IGSF8: variants seen among roughly 807,000 people sequenced by gnomAD.
IGSF8 encodes the protein immunoglobulin superfamily member 8.
A neutral mutation model predicts 55.5 loss-of-function variants in IGSF8; 46 were observed. That is an observed-to-expected ratio of 0.83 (90% CI 0.65 to 1.06). The LOEUF is 1.06. Among genes scored for constraint, IGSF8 ranks in the 50% least tolerant of loss-of-function variants. The pLI is 0.00. For missense variants in IGSF8, 731 were observed against 832.3 expected (o/e 0.88, Z 1.50); for synonymous variants, 314 against 356.1 (o/e 0.88, Z 1.33).
At chr1:160,093,573 T>C in intron 3 of IGSF8, 137 bp downstream of exon 3, 1 of 823,262 alleles carries the variant, frequency 1.2e-6, no homozygotes, top group Non-Finnish European at 1.9e-6. Context: ...AGAGAAATGC[T>C]AGCAAGGCTG....
chr1:160,092,895 AC>A, intron 4 of IGSF8, 28 bp downstream of exon 4: 7 of 1,570,950 alleles, frequency 4.5e-6, no homozygotes, highest in Non-Finnish European at 6.1e-6. Flanking sequence ...CAATCCTCGA[AC>A]CCCGTCCAGG....
intron 1 of IGSF8, chr1:160,095,448 C>T (rs1000863795): frequency 1.5e-5 from 9 of 617,896 alleles, no homozygotes; most frequent in Admixed American, 1.2e-4. Flanking sequence ...GGCATGGGCC[C>T]AGGATTGCCT....
chr1:160,098,502 G>A lies in IGSF8; in HGVS notation c.-30C>T. Reference sequence around the variant, plus strand: ...CGCGGCCAGCTCTGGGGAGGCTCCGGGGGATGGCGCGGGTTCTGGGGGGCC... The same window carrying A: ...CGCGGCCAGCTCTGGGGAGGCTCCGAGGGATGGCGCGGGTTCTGGGGGGCC... On this transcript the variant is annotated 5_prime_UTR_variant, in exon 1 of 7. Transcript: ENST00000314485. 6.6e-7 allele frequency: 1 copy of A among 1,513,728 alleles called. No homozygotes were observed. The highest frequency in any genetic ancestry group is 1.2e-5 in the South Asian group (1 of 82,528). The allele number at this position is 1,513,728 out of a possible 1,614,324, so 93.8% of individuals were successfully genotyped here.
chr1:160,098,919 C>T (rs1370442124), upstream of IGSF8: 1 of 108,952 alleles, frequency 9.2e-6, no homozygotes, highest in Non-Finnish European at 1.9e-5. Flanking sequence ...GGATCCGCCC[C>T]GGGCCTCGGC....
Position 160,098,454 on chromosome 1 carries a change from T to C in IGSF8, c.19A>G (p.Thr7Ala). MGALRPTLLPPSLPLLL... is the reference protein window; with the variant it reads MGALRPALLPPSLPLLL... ...AGCGGCAGCGAAGGCGGCAGCAGCG[T>C]GGGCCTGAGGGCGCCCATCCTGCGC... The change falls in exon 1 of 7, where the codon ACG becomes GCG. Residue 7 changes from threonine to alanine, a missense_variant. Physicochemically the swap from Thr to Ala is moderately conservative, Grantham distance 58 (BLOSUM62 0). Transcript: ENST00000314485. The C allele has an allele frequency of 1.9e-6, 3 of 1,542,302 alleles. No homozygotes were observed. Among genetic ancestry groups the C allele is most frequent in the Non-Finnish European group, 2.6e-6 (3 of 1,144,490 alleles).
chr1:160,092,923 C>A lies in IGSF8; in HGVS notation c.1312+1G>T, dbSNP rs1409755832. The A allele has an allele frequency of 6.3e-7, 1 of 1,590,946 alleles. No individual in the cohort carries two copies. The highest frequency in any genetic ancestry group is 2.3e-5 in the East Asian group (1 of 44,260). On this transcript the variant is annotated splice_donor_variant, in intron 4 of 6. Coordinates refer to ENST00000314485, the MANE Select transcript of IGSF8 (RefSeq NM_052868.6). LOFTEE classifies it high-confidence loss of function. The stretch of plus-strand genomic sequence containing the variant: ...CCGTCCAGGGCCCAGCCCCCTCTCA[C>A]CTTCCTCCCGCACATGTACAGGGAG...
rs779635018 is a variant in IGSF8 at position 160,091,803 on chromosome 1, C to T, written c.*15+5G>A. On this transcript the variant is annotated splice_donor_5th_base_variant and intron_variant, in intron 6 of 6. Coordinates refer to ENST00000314485, the MANE Select transcript of IGSF8 (RefSeq NM_052868.6). Reference sequence around the variant, plus strand: ...AAACAAGGTTGGGGGGTTCTTTTCCCTCACCTGGGGAGTAAGGGATCACCG... The same window carrying T: ...AAACAAGGTTGGGGGGTTCTTTTCCTTCACCTGGGGAGTAAGGGATCACCG... The T allele has an allele frequency of 2.5e-6, 4 of 1,574,520 alleles. No individual in the cohort carries two copies. The South Asian group carries it at 4.4e-5, about 17-fold the overall frequency.
rs187199689 is a variant in IGSF8, at chr1:160,093,558, G to A, written c.904+152C>T. 3.0e-4 allele frequency: 233 copies of A among 780,006 alleles called. No individual in the cohort carries two copies. In the African/African-American group the frequency reaches 3.3e-3, roughly 11 times the overall value. The allele number at this position is 780,006 out of a possible 1,614,324, so 48.3% of individuals were successfully genotyped here. On this transcript the variant is annotated intron_variant, in intron 3 of 6. Coordinates refer to ENST00000314485, the MANE Select transcript of IGSF8 (RefSeq NM_052868.6). ...GAGCAGAGAAAACCCATCAAGGGCC[G>A]GGGGAGAGAAATGCTAGCAAGGCTG...
chr1:160,094,949 T>A lies in IGSF8; in HGVS notation c.362A>T (p.Asp121Val). Residue 121 changes from aspartate to valine, a missense_variant, in exon 2 of 7, where the codon GAT becomes GTT. Coordinates refer to ENST00000314485, the MANE Select transcript of IGSF8 (RefSeq NM_052868.6). This position sits in a 1 kb window ranked among gnomAD's most constrained non-coding sequence, Gnocchi z 4.0. ...VLKIARLQAQ[D>V]AGIYECHTPS... ...GGTGTGGCACTCATAAATGCCGGCA[T>A]CCTGGGCCTGCAGGCGGGCAATCTT... 6.2e-7 allele frequency: 1 copy of A among 1,614,074 alleles called. No homozygotes were observed. Among genetic ancestry groups the A allele is most frequent in the Non-Finnish European group, 8.5e-7 (1 of 1,180,016 alleles).
Position 160,098,390 on chromosome 1 carries a change from G to C in IGSF8, c.64+19C>G. ...ACCTGCCCGGCAGGGCCGGGAACCG[G>C]AACGGGGGCCTGGCTTACCTAGCAT... On this transcript the variant is annotated intron_variant, in intron 1 of 6. Coordinates refer to ENST00000314485, the MANE Select transcript of IGSF8 (RefSeq NM_052868.6). 1 of 1,552,458 alleles carries C rather than the reference G, an allele frequency of 6.4e-7. No individual in the cohort carries two copies. Among genetic ancestry groups the C allele is most frequent in the Non-Finnish European group, 8.7e-7 (1 of 1,147,064 alleles).
chr1:160,091,727 G>T lies in IGSF8; in HGVS notation c.*15+81C>A, dbSNP rs141537205. 7.6e-4 allele frequency: 663 copies of T among 876,030 alleles called. 3 individuals are homozygous for T. The African/African-American group carries it at 8.4e-3, about 11-fold the overall frequency. The allele number at this position is 876,030 out of a possible 1,614,324, so 54.3% of individuals were successfully genotyped here. A position where few individuals can be genotyped will look rare whatever the true frequency, so the allele number is the denominator to read the frequency against. ...GCTGCCTACTCCTCCTCCAGGTGGG[G>T]CCTGGGAGGGAGCAGCTTGGTTCAG... On this transcript the variant is annotated intron_variant, in intron 6 of 6. Transcript: ENST00000314485.
upstream of IGSF8, among the ~76,000 whole-genome samples, chr1:160,099,418 G>A (rs1650688447): frequency 6.6e-6 from 1 of 152,236 alleles, no homozygotes; most frequent in South Asian, 2.1e-4. Context: ...GAAGGTCACT[G>A]GAGACCTGTT....
rs1349851650 is a variant in IGSF8, at chr1:160,091,569, G to A, written c.*55C>T. ...AGGGTGTCCAGGCAACCAGAGGAGG[G>A]CTTGGAGCTGGGCCGGAAGACAGTC... On this transcript the variant is annotated 3_prime_UTR_variant, in exon 7 of 7. Transcript: ENST00000314485. 10 of 484,442 alleles carry A rather than the reference G, an allele frequency of 2.1e-5. No homozygotes were observed. The highest frequency in any genetic ancestry group is 3.4e-5 in the Non-Finnish European group (9 of 266,738). 30.0% of individuals were successfully genotyped at this position (484,442 alleles called of 1,614,324 possible). A position where few individuals can be genotyped will look rare whatever the true frequency, so the allele number is the denominator to read the frequency against.
Position 160,094,134 on chromosome 1 carries a change from TG to T in IGSF8, c.479del (p.Pro160GlnfsTer15), listed in dbSNP as rs754902711. 1.9e-5 allele frequency: 31 copies of T among 1,604,870 alleles called. No homozygotes were observed. The highest frequency in any genetic ancestry group is 2.5e-5 in the Non-Finnish European group (29 of 1,179,320). On this transcript the variant is annotated frameshift_variant, in exon 3 of 7. Transcript: ENST00000314485. LOFTEE classifies it high-confidence loss of function. This position sits in a 1 kb window ranked among gnomAD's most constrained non-coding sequence, Gnocchi z 4.0. ...PDVLQVSAAP[P>X]GPRGRQAPTS... Reference sequence around the variant, plus strand: ...TTGGGGCCTGGCGGCCTCGGGGCCCTGGGGGGGCAGCAGACACCTGGAGGAC... The same window carrying T: ...TTGGGGCCTGGCGGCCTCGGGGCCCTGGGGGGCAGCAGACACCTGGAGGAC...
In IGSF8 at chr1:160,098,437, C is replaced by A. The variant is rs1428612865; in HGVS notation, c.36G>T (p.Ser12=). The change falls in exon 1 of 7, where the codon TCG becomes TCT. Residue 12 remains serine (S), a synonymous_variant. Coordinates refer to ENST00000314485, the MANE Select transcript of IGSF8 (RefSeq NM_052868.6). ...GCATTAGCAGCAGCAGCAGCGGCAGCGAAGGCGGCAGCAGCGTGGGCCTGA... is the reference window on the plus strand; with the variant it reads ...GCATTAGCAGCAGCAGCAGCGGCAGAGAAGGCGGCAGCAGCGTGGGCCTGA... ...GALRPTLLPP[S]LPLLLLLMLG... is the part of the protein sequence containing the mutation. 28 of 1,546,660 alleles carry A rather than the reference C, an allele frequency of 1.8e-5. No individual in the cohort carries two copies. Among genetic ancestry groups the A allele is most frequent in the Admixed American group, 1.6e-4 (8 of 50,772 alleles).
Position 160,094,481 on chromosome 1 carries a change from G to C in IGSF8, c.443-310C>G, listed in dbSNP as rs1474876805. ...TCAGAAGACAAAGAAACTTAAGAGA[G>C]TGAGAATGTCACATGGTCTAACTCC... On this transcript the variant is annotated intron_variant, in intron 2 of 6. Transcript: ENST00000314485. This position sits in a 1 kb window ranked among gnomAD's most constrained non-coding sequence, Gnocchi z 4.0. Among the ~76,000 whole-genome samples, 1 of 152,152 alleles carries C rather than the reference G, an allele frequency of 6.6e-6. No individual in the cohort carries two copies. Among genetic ancestry groups the C allele is most frequent in the Non-Finnish European group, 1.5e-5 (1 of 68,028 alleles).
chr1:160,092,988 C>G lies in IGSF8; in HGVS notation c.1248G>C (p.Gly416=). The G allele has an allele frequency of 6.2e-7, 1 of 1,613,808 alleles. No homozygotes were observed. Among genetic ancestry groups the G allele is most frequent in the Non-Finnish European group, 8.5e-7 (1 of 1,179,702 alleles). The change falls in exon 4 of 7, where the codon GGG becomes GGC. Residue 416 remains glycine, a synonymous_variant. Transcript: ENST00000314485. The stretch of plus-strand genomic sequence containing the variant: ...CACTGGCTGCTTCACGAAGCCGGGT[C>G]CCAGACCCTCGAACATAGGCTTTGG... The part of the protein sequence containing the change: ...CLAKAYVRGS[G]TRLREAASAR...
chr1:160,098,009 T>C, intron 1 of IGSF8: 1 of 984,682 alleles, frequency 1.0e-6, no homozygotes, highest in Non-Finnish European at 1.2e-6. Flanking sequence ...GGGGCAATTA[T>C]GAAGCTGGGC....
At chr1:160,095,937 G>T (rs1650403741) in intron 1 of IGSF8, among the ~76,000 whole-genome samples, 1 of 152,226 alleles carries the variant, frequency 6.6e-6, no homozygotes, top group East Asian at 1.9e-4. Flanking sequence ...CCCTCCTCCA[G>T]TGCCTGCCAA....
Sources: allele counts gnomAD v4.1 joint callset (sites outside exome capture counted in the v4.1 genomes callset), GRCh38; gene constraint gnomAD v4.1.1; non-coding constraint Gnocchi (gnomAD v3.1); transcripts MANE v1.5; gene names NCBI Gene and HGNC (gene_info 2026-07-23, HGNC 2026-07-21).